Variants in RIBC1 observed in about 807,000 individuals in gnomAD.
RIBC1 encodes the protein RIB43A domain with coiled-coils 1, also known as RIB43A-like with coiled-coils protein 1.
In RIBC1, 12 loss-of-function variants were observed where a neutral mutation model predicts 33.7. That is an observed-to-expected ratio of 0.36 (90% CI 0.23 to 0.58). The LOEUF is 0.58. RIBC1 is among the 20% of genes least tolerant of loss of function. The pLI is 0.81. For missense variants in RIBC1, 242 were observed against 311.6 expected (o/e 0.78, Z 1.68); for synonymous variants, 89 against 109.0 (o/e 0.82, Z 1.14).
At chrX:53,430,249 C>T (rs2075815665) in intron 6 of RIBC1, 147 bp from the exon 7 acceptor site, 1 of 519,953 alleles carries the variant, frequency 1.9e-6, no homozygotes, top group Non-Finnish European at 3.1e-6. Context: ...GCCCATTCTC[C>T]CCAACACATA....
rs1448923205 is a variant in RIBC1 at position 53,428,646 on chromosome X, C to T, written c.544+19C>T. ...TATACAGGTAAGCAGCCCGGCCCTC[C>T]AGACTCAGAGACCTGAGGCCTAGTG... is the stretch of plus-strand genomic sequence containing the variant. On this transcript the variant is annotated intron_variant, in intron 5 of 7. Transcript: ENST00000375327. The T allele has an allele frequency of 3.3e-6, 4 of 1,205,851 alleles. No homozygotes were observed. In the East Asian group the frequency reaches 8.9e-5, roughly 27 times the overall value.
rs1556894130 is a variant in RIBC1, at chrX:53,430,539, C to A, written c.807C>A (p.Val269=). 4.1e-6 allele frequency: 5 copies of A among 1,207,010 alleles called. No homozygotes were observed. Among genetic ancestry groups the A allele is most frequent in the Admixed American group, 2.2e-5 (1 of 45,335 alleles). The change falls in exon 7 of 8, where the codon GTC becomes GTA. Residue 269 remains valine, a synonymous_variant. Transcript: ENST00000375327. ...AACACCCTATGGCTCCCTACCGGGT[C>A]CTGCCCTATTGCTGGAAGGGCATGA... The part of the protein sequence containing the change: ...VAQHPMAPYR[V]LPYCWKGMTP...
At chrX:53,427,220 C>T (rs373866498) in intron 3 of RIBC1, among the ~76,000 whole-genome samples, 9 of 111,579 alleles carry the variant, frequency 8.1e-5, no homozygotes, top group African/African-American at 2.9e-4. Flanking sequence ...TGGAAAAGAC[C>T]CCGTAAGTAT....
chrX:53,425,515 TAAAAAAA>T (rs782760749), intron 2 of RIBC1, among the ~76,000 whole-genome samples: 5 of 25,861 alleles, frequency 1.9e-4, no homozygotes, highest in African/African-American at 4.8e-4. Context: ...GTAATAAAAG[TAAAAAAA>T]AAAAAAAAAA....
chrX:53,430,666 A>G lies in RIBC1; in HGVS notation c.934A>G (p.Ser312Gly), dbSNP rs782384089. 8 of 1,204,505 alleles carry G rather than the reference A, an allele frequency of 6.6e-6. No individual in the cohort carries two copies. Among genetic ancestry groups the G allele is most frequent in the Non-Finnish European group, 5.6e-6 (5 of 892,201 alleles). ...GAAAACACTGGATACTGAATGGAAA[A>G]GCCAGACCATGAGCTCAGCCCAGGC... ...AEKTLDTEWK[S>G]QTMSSAQAVL... The change falls in exon 7 of 8, where the codon AGC (serine) becomes GGC (glycine). Residue 312 changes from serine (S) to glycine (G), a missense_variant. By Grantham distance (56) the Ser-to-Gly change is moderately conservative. Transcript: ENST00000375327.
chrX:53,426,282 T>C lies in RIBC1; in HGVS notation c.6T>C (p.Tyr2=). The change falls in exon 3 of 8, where the codon TAT becomes TAC. Residue 2 remains tyrosine, a synonymous_variant. Transcript: ENST00000375327. M[Y]NIKQSTDTKE... ...CCACCTCCCTTTTGCTCCAGATGTA[T>C]AACATAAAACAGTCAACAGATACCA... is the stretch of plus-strand genomic sequence containing the variant. 1.7e-6 allele frequency: 2 copies of C among 1,200,074 alleles called. No individual in the cohort carries two copies. The highest frequency in any genetic ancestry group is 2.3e-6 in the Non-Finnish European group (2 of 885,284).
rs1389163890 is a variant in RIBC1 at position 53,427,633 on chromosome X, G to C, written c.118-370G>C. On this transcript the variant is annotated intron_variant, in intron 3 of 7. Transcript: ENST00000375327. Reference sequence around the variant, plus strand: ...TACAGGAGTAGAACCTGCCTGAGGGGTCAGGAAAGTGAAGGCTGAGCTGGT... The same window carrying C: ...TACAGGAGTAGAACCTGCCTGAGGGCTCAGGAAAGTGAAGGCTGAGCTGGT... 3.6e-5 allele frequency among the ~76,000 whole-genome samples: 4 copies of C among 112,418 alleles called. No homozygotes were observed. In the Admixed American group the frequency reaches 3.8e-4, roughly 11 times the overall value.
At chrX:53,424,276 A>C (rs2075778629) in intron 2 of RIBC1, among the ~76,000 whole-genome samples, 1 of 109,538 alleles carries the variant, frequency 9.1e-6, no homozygotes, top group Admixed American at 9.8e-5. Context: ...ATCTCTACAA[A>C]AAAATTTTAA....
chrX:53,430,236 C>T (rs1040280926), intron 6 of RIBC1, among the ~76,000 whole-genome samples, 160 bp from the exon 7 acceptor site: 1 of 112,237 alleles, frequency 8.9e-6, no homozygotes, highest in Non-Finnish European at 1.9e-5. Flanking sequence ...AGAGAAGTTC[C>T]CTGCCCATTC....
rs782689232 is a variant in RIBC1, at chrX:53,428,489, C to A, written c.406C>A (p.Pro136Thr). 8.3e-7 allele frequency: 1 copy of A among 1,209,153 alleles called. No homozygotes were observed. Among genetic ancestry groups the A allele is most frequent in the South Asian group, 1.8e-5 (1 of 56,557 alleles). ...TAGTTACAGTAATACCTATCCTGGT[C>A]CAGCCAGCCTGCAGTACTTCTCTGG... ...YLSYSNTYPG[P>T]ASLQYFSGED... Residue 136 changes from proline (P) to threonine (T), a missense_variant, in exon 5 of 8, where the codon CCA (proline) becomes ACA (threonine). Physicochemically the swap from Pro to Thr is conservative, Grantham distance 38. Transcript: ENST00000375327.
intron 3 of RIBC1, 82 bp from the exon 4 acceptor site, chrX:53,427,921 A>G: frequency 1.3e-6 from 1 of 790,677 alleles, no homozygotes; most frequent in South Asian, 2.2e-5. Flanking sequence ...TGAAACAGGT[A>G]AATTCTAATT....
intron 2 of RIBC1, among the ~76,000 whole-genome samples, 184 bp from the exon 3 acceptor site, chrX:53,426,093 T>C (rs2075789938): frequency 8.9e-6 from 1 of 112,004 alleles, no homozygotes; most frequent in South Asian, 3.7e-4. Context: ...GACACCAGAT[T>C]GTGAGGCCTG....
intron 2 of RIBC1, among the ~76,000 whole-genome samples, chrX:53,423,830 T>C (rs2146616372): frequency 9.0e-6 from 1 of 111,403 alleles, no homozygotes; most frequent in Admixed American, 9.5e-5. Context: ...AATCCCATCG[T>C]GAGGGAGGCA....
intron 3 of RIBC1, 101 bp from the exon 4 acceptor site, chrX:53,427,902 A>C (rs1385268134): frequency 7.6e-6 from 5 of 662,050 alleles, no homozygotes; most frequent in Non-Finnish European, 1.2e-5. Flanking sequence ...CTGGGGAGCT[A>C]CAGGATTCTG....
At chrX:53,424,475 C>A (rs914710664) in intron 2 of RIBC1, among the ~76,000 whole-genome samples, 3 of 107,900 alleles carry the variant, frequency 2.8e-5, no homozygotes, top group Non-Finnish European at 5.8e-5. Flanking sequence ...TATTCTCTGC[C>A]TCAGCCTTCC....
In RIBC1 at chrX:53,428,282, G is replaced by A; in HGVS notation, c.200-1G>A. 1 of 1,209,453 alleles carries A rather than the reference G, an allele frequency of 8.3e-7. No homozygotes were observed. The highest frequency in any genetic ancestry group is 1.1e-6 in the Non-Finnish European group (1 of 893,796). On this transcript the variant is annotated splice_acceptor_variant, in intron 4 of 7. Coordinates refer to ENST00000375327, the MANE Select transcript of RIBC1 (RefSeq NM_001031745.5). LOFTEE classifies it high-confidence loss of function. ...TCCATATCCTTGCTCACCACCCCCA[G>A]GTACCAGCCAGGTGCAGTATGATGT...
chrX:53,430,118 C>T, intron 6 of RIBC1, 146 bp downstream of exon 6: 2 of 511,117 alleles, frequency 3.9e-6, no homozygotes, highest in Non-Finnish European at 6.5e-6. Flanking sequence ...ACTGAAGGCC[C>T]CTCTTAGGGT....
intron 3 of RIBC1, among the ~76,000 whole-genome samples, chrX:53,427,321 G>T (rs1556893388): frequency 8.9e-6 from 1 of 111,954 alleles, no homozygotes; most frequent in East Asian, 2.8e-4. Flanking sequence ...GTAAAATGAG[G>T]CTGAAGGAAG....
At chrX:53,423,236 A>C (rs985948551) in intron 1 of RIBC1, 78 bp from the exon 2 acceptor site, 1 of 122,834 alleles carries the variant, frequency 8.1e-6, no homozygotes, top group East Asian at 2.5e-4. Flanking sequence ...CTCCCAGGCA[A>C]CAGGGATACA....
Sources: allele counts gnomAD v4.1 joint callset (sites outside exome capture counted in the v4.1 genomes callset), GRCh38; gene constraint gnomAD v4.1.1; transcripts MANE v1.5; gene names NCBI Gene and HGNC (gene_info 2026-07-23, HGNC 2026-07-21).